ACSS2: variants seen among roughly 807,000 people sequenced by gnomAD.
The protein encoded by ACSS2 is acyl-CoA synthetase short chain family member 2.
In ACSS2, 58 loss-of-function variants were observed where a neutral mutation model predicts 90.6. The ratio of observed to expected loss-of-function variants is 0.64; its 90% CI spans 0.52 to 0.80. The LOEUF (loss-of-function observed/expected upper bound fraction) is 0.80, where lower values mean the gene tolerates loss of function less well. Among genes scored for constraint, ACSS2 ranks in the 30% least tolerant of loss-of-function variants. The pLI is 0.00. For missense variants in ACSS2, 759 were observed against 912.0 expected (o/e 0.83, Z 2.16); for synonymous variants, 300 against 330.9 (o/e 0.91, Z 1.01).
At chr20:34,887,132 G>A (rs781091414) in intron 2 of ACSS2, among the ~76,000 whole-genome samples, 1 of 152,186 alleles carries the variant, frequency 6.6e-6, no homozygotes, top group Admixed American at 6.5e-5. Flanking sequence ...GTCCATCTAG[G>A]CCAACTCTCT....
chr20:34,887,139 C>T (rs555361371), intron 2 of ACSS2, among the ~76,000 whole-genome samples: 13 of 152,328 alleles, frequency 8.5e-5, no homozygotes, highest in African/African-American at 3.1e-4. Flanking sequence ...TAGGCCAACT[C>T]TCTTCAAAGA....
At chr20:34,916,881 C>A (rs775980967) in intron 7 of ACSS2, among the ~76,000 whole-genome samples, 10 of 152,154 alleles carry the variant, frequency 6.6e-5, no homozygotes, top group Non-Finnish European at 1.3e-4. Context: ...TTGAGACTAT[C>A]CTGGTCCAAG....
Position 34,898,330 on chromosome 20 carries a change from G to A in ACSS2, c.375-14766G>A, listed in dbSNP as rs548460567. Among the ~76,000 whole-genome samples, 82 of 152,272 alleles carry A rather than the reference G, an allele frequency of 5.4e-4. No homozygotes were observed. In the South Asian group the frequency reaches 0.017, roughly 31 times the overall value. On this transcript the variant is annotated intron_variant, in intron 2 of 17. Transcript: ENST00000360596. ...AAGTGGTCTGTTTTGACAGGGTGCCGATTGGTGCGTTTACAATCCCTGAGC... is the reference window on the plus strand; with the variant it reads ...AAGTGGTCTGTTTTGACAGGGTGCCAATTGGTGCGTTTACAATCCCTGAGC...
chr20:34,887,306 T>A (rs113604680), intron 2 of ACSS2, among the ~76,000 whole-genome samples: 3 of 152,260 alleles, frequency 2.0e-5, no homozygotes, highest in African/African-American at 7.2e-5. Flanking sequence ...GTCCAGCACT[T>A]GGCTGTGACA....
intron 1 of ACSS2, among the ~76,000 whole-genome samples, 183 bp from the exon 2 acceptor site, chr20:34,882,611 G>A (rs1040683871): frequency 1.3e-5 from 2 of 151,814 alleles, no homozygotes; most frequent in Non-Finnish European, 2.9e-5. Context: ...GTCACAGTGA[G>A]CCTCCATCTC....
At chr20:34,904,984 C>T (rs914790708) in intron 2 of ACSS2, among the ~76,000 whole-genome samples, 1 of 138,086 alleles carries the variant, frequency 7.2e-6, no homozygotes, top group Admixed American at 7.9e-5. Flanking sequence ...GTAGCATCAA[C>T]GTGGCTCACT....
At chr20:34,914,047 AG>A in intron 5 of ACSS2, 48 bp from the exon 6 acceptor site, 2 of 1,595,582 alleles carry the variant, frequency 1.3e-6, no homozygotes, top group Non-Finnish European at 1.7e-6. Context: ...TGTGCCCACT[AG>A]GCAGCATGGG....
chr20:34,891,356 G>A (rs1314827956), intron 2 of ACSS2, among the ~76,000 whole-genome samples: 1 of 152,160 alleles, frequency 6.6e-6, no homozygotes, highest in South Asian at 2.1e-4. Flanking sequence ...AGAATTCTAT[G>A]ACTGTTTCTG....
chr20:34,910,019 ATTTTTT>A (rs11482260), intron 2 of ACSS2, among the ~76,000 whole-genome samples: 4 of 138,034 alleles, frequency 2.9e-5, no homozygotes, highest in Non-Finnish European at 6.2e-5. Context: ...GCCTGGCCAA[ATTTTTT>A]TTTTTTTTTT....
chr20:34,906,826 T>C (rs1000959675), intron 2 of ACSS2, among the ~76,000 whole-genome samples: 1 of 151,454 alleles, frequency 6.6e-6, no homozygotes, highest in Non-Finnish European at 1.5e-5. Context: ...CTACTAAAAA[T>C]ACAAAAATTA....
intron 1 of ACSS2, among the ~76,000 whole-genome samples, chr20:34,877,701 C>A (rs1385921877): frequency 2.0e-5 from 3 of 151,620 alleles, no homozygotes; most frequent in African/African-American, 7.3e-5. Context: ...CACCTGTAAT[C>A]CCAGCTACTC....
intron 7 of ACSS2, among the ~76,000 whole-genome samples, chr20:34,916,369 C>T (rs1036878350): frequency 6.6e-6 from 1 of 152,190 alleles, no homozygotes; most frequent in Admixed American, 6.5e-5. Flanking sequence ...ATAATTATAC[C>T]TATGTTATCG....
At chr20:34,901,583 C>T (rs1462358593) in intron 2 of ACSS2, among the ~76,000 whole-genome samples, 1 of 152,202 alleles carries the variant, frequency 6.6e-6, no homozygotes, top group South Asian at 2.1e-4. Flanking sequence ...TGTGGGTATA[C>T]TTATATCTTG....
intron 2 of ACSS2, among the ~76,000 whole-genome samples, chr20:34,896,815 G>A (rs759485712): frequency 3.1e-4 from 47 of 152,274 alleles, no homozygotes; most frequent in Non-Finnish European, 5.0e-4. Flanking sequence ...AGGCCAAGGC[G>A]GGCGGATCAC....
intron 2 of ACSS2, among the ~76,000 whole-genome samples, chr20:34,895,234 CAT>C (rs143022758): frequency 9.2e-5 from 14 of 151,642 alleles, no homozygotes; most frequent in Admixed American, 2.6e-4. Flanking sequence ...TATATACACA[CAT>C]ATATATATAT....
At chr20:34,908,209 A>G (rs1356854459) in intron 2 of ACSS2, among the ~76,000 whole-genome samples, 1 of 152,202 alleles carries the variant, frequency 6.6e-6, no homozygotes, top group East Asian at 1.9e-4. Flanking sequence ...GATGTGGCCA[A>G]AAGCGTGGAG....
intron 1 of ACSS2, among the ~76,000 whole-genome samples, chr20:34,882,105 T>A (rs2080081715): frequency 6.6e-6 from 1 of 152,196 alleles, no homozygotes; most frequent in Non-Finnish European, 1.5e-5. Flanking sequence ...TAATCCCAGC[T>A]TCTTGGGAGG....
Position 34,920,993 on chromosome 20 carries a change from C to T in ACSS2, c.1144-13C>T. Reference sequence around the variant, plus strand: ...TTAGGAAAGACTGGGAATGACCAGCCTTCATGGGTCAGTTTGAGGGGATTC... The same window carrying T: ...TTAGGAAAGACTGGGAATGACCAGCTTTCATGGGTCAGTTTGAGGGGATTC... On this transcript the variant is annotated splice_polypyrimidine_tract_variant and intron_variant, in intron 9 of 17. Coordinates refer to ENST00000360596, the MANE Select transcript of ACSS2 (RefSeq NM_018677.4). 6.2e-7 allele frequency: 1 copy of T among 1,614,068 alleles called. No individual in the cohort carries two copies. The highest frequency in any genetic ancestry group is 1.1e-5 in the South Asian group (1 of 91,078).
chr20:34,914,406 C>T lies in ACSS2; in HGVS notation c.803C>T (p.Pro268Leu), dbSNP rs769938114. Residue 268 changes from proline to leucine, a missense_variant, in exon 7 of 18, where the codon CCC (proline) becomes CTC (leucine). Physicochemically the swap from Pro to Leu is moderately conservative, Grantham distance 98. Transcript: ENST00000360596. ...LGMGDSTSQS[P>L]PIKRSCPDVQ... ...ATGGGTGACTCCACCAGCCAGTCCC[C>T]CCCAATTAAGAGGTCATGCCCAGAT... 1.9e-6 allele frequency: 3 copies of T among 1,613,850 alleles called. No homozygotes were observed. The highest frequency in any genetic ancestry group is 1.7e-6 in the Non-Finnish European group (2 of 1,179,914).
Sources: gnomAD v4.1 joint callset for allele counts (sites outside exome capture counted in the v4.1 genomes callset) on GRCh38, gnomAD v4.1.1 for gene constraint, MANE v1.5 for transcripts, NCBI Gene and HGNC (gene_info 2026-07-23, HGNC 2026-07-21) for gene names.